TNC: variants seen among roughly 807,000 people sequenced by gnomAD.
The protein encoded by TNC is tenascin C, also known as tenascin.
Under a neutral mutation model 202.4 loss-of-function variants are expected in TNC, and 109 were observed. That is an observed-to-expected ratio of 0.54 (90% CI 0.46 to 0.63). The LOEUF is 0.63. Ranked by LOEUF, TNC falls within the 30% of genes least tolerant of loss-of-function variation. The pLI is 0.00. For missense variants in TNC, 2,756 were observed against 2,833.3 expected (o/e 0.97, Z 0.62); for synonymous variants, 1,007 against 1,089.7 (o/e 0.92, Z 1.50).
intron 1 of TNC, among the ~76,000 whole-genome samples, chr9:115,096,689 G>A (rs1329769775): frequency 2.6e-5 from 4 of 152,184 alleles, no homozygotes; most frequent in African/African-American, 4.8e-5. Flanking sequence ...AAGCATGTAT[G>A]TGCATTGTAG....
In TNC at chr9:115,077,948, G is replaced by A; in HGVS notation, c.2669C>T (p.Thr890Ile). ...AACAGGGGGAGGCCTTTTACCTGTT[G>A]TGAAGGTCTCTTTGGCTGGGTTGCT... is the stretch of plus-strand genomic sequence containing the variant. ...MSSNPAKETF[T>I]TGLDAPRNLR... is the part of the protein sequence containing the mutation. Residue 890 changes from threonine to isoleucine, a missense_variant, in exon 7 of 28, where the codon ACA becomes ATA. Transcript: ENST00000350763. 6.2e-7 allele frequency: 1 copy of A among 1,614,050 alleles called. No homozygotes were observed. The highest frequency in any genetic ancestry group is 8.5e-7 in the Non-Finnish European group (1 of 1,179,926).
intron 18 of TNC, among the ~76,000 whole-genome samples, chr9:115,041,794 C>G (rs552647065): frequency 6.6e-6 from 1 of 152,290 alleles, no homozygotes; most frequent in South Asian, 2.1e-4. Flanking sequence ...AGTTAGAACT[C>G]ACAAATTTTC....
At chr9:115,100,819 TATTAA>T (rs1290772588) in intron 1 of TNC, among the ~76,000 whole-genome samples, 5 of 152,358 alleles carry the variant, frequency 3.3e-5, no homozygotes, top group Non-Finnish European at 7.4e-5. Flanking sequence ...TGTATACATA[TATTAA>T]ATTATCACGT....
chr9:115,021,306 A>AGAG, intron 27 of TNC, 39 bp from the exon 28 acceptor site: 11 of 1,467,546 alleles, frequency 7.5e-6, no homozygotes, highest in Non-Finnish European at 9.4e-6. Context: ...AGAGAGAGAG[A>AGAG]AGGCCTCCAG....
intron 10 of TNC, among the ~76,000 whole-genome samples, chr9:115,065,254 GGC>G (rs1292401753): frequency 2.0e-5 from 3 of 152,050 alleles, no homozygotes; most frequent in African/African-American, 7.2e-5. Flanking sequence ...AAATTAGCCA[GGC>G]GTGTTGGTGG....
At chr9:115,068,213 T>G (rs929925083) in intron 10 of TNC, among the ~76,000 whole-genome samples, 3 of 152,214 alleles carry the variant, frequency 2.0e-5, no homozygotes, top group Non-Finnish European at 4.4e-5. Flanking sequence ...TTCTTGGCAT[T>G]TCTTTATCAA....
intron 14 of TNC, among the ~76,000 whole-genome samples, 183 bp downstream of exon 14, chr9:115,059,547 C>A (rs1050496298): frequency 5.9e-5 from 9 of 152,192 alleles, no homozygotes; most frequent in African/African-American, 2.2e-4. Context: ...CATTCACCAT[C>A]CACATGGCAA....
At chr9:115,080,052 G>A (rs1365940762) in intron 6 of TNC, among the ~76,000 whole-genome samples, 2 of 152,198 alleles carry the variant, frequency 1.3e-5, no homozygotes, top group Admixed American at 1.3e-4. Flanking sequence ...CTTGAGATCA[G>A]GAGTTCAAAA....
rs770847412 is a variant in TNC, at chr9:115,057,369, T to C, written c.4363A>G (p.Asn1455Asp). The C allele has an allele frequency of 1.2e-6, 2 of 1,614,010 alleles. No homozygotes were observed. The highest frequency in any genetic ancestry group is 1.3e-5 in the African/African-American group (1 of 75,032). ...CCATCGGTAGCCATCCAGGAGAGAT[T>C]GAAGCTCTCGGGAGTTATGTCAGAA... ...NVSDITPESF[N>D]LSWMATDGIF... Residue 1455 changes from asparagine (N) to aspartate (D), a missense_variant, in exon 15 of 28, where the codon AAT becomes GAT. By Grantham distance (23) the Asn-to-Asp change is conservative. Coordinates refer to ENST00000350763, the MANE Select transcript of TNC (RefSeq NM_002160.4).
intron 19 of TNC, among the ~76,000 whole-genome samples, chr9:115,039,691 C>T (rs1368168480): frequency 6.6e-6 from 1 of 152,216 alleles, no homozygotes; most frequent in Non-Finnish European, 1.5e-5. Context: ...GGTCTGAGAG[C>T]CAGGATGTGG....
chr9:115,093,724 C>T (rs1469821120), intron 1 of TNC, among the ~76,000 whole-genome samples: 1 of 150,984 alleles, frequency 6.6e-6, no homozygotes, highest in South Asian at 2.1e-4. Context: ...AAATTTCCAT[C>T]TAAAAAGCCA....
intron 1 of TNC, among the ~76,000 whole-genome samples, chr9:115,108,289 A>T (rs1298071672): frequency 6.6e-6 from 1 of 152,216 alleles, no homozygotes; most frequent in Non-Finnish European, 1.5e-5. Context: ...AGATGTTTTT[A>T]GGTAGATGTC....
chr9:115,112,550 A>G (rs532661897), intron 1 of TNC: 5 of 152,314 alleles, frequency 3.3e-5, no homozygotes, highest in Admixed American at 3.3e-4. Context: ...GGCTGCCCGT[A>G]AGCCCTTTTA....
chr9:115,054,134 G>A (rs1831917462), intron 15 of TNC, among the ~76,000 whole-genome samples: 1 of 152,206 alleles, frequency 6.6e-6, no homozygotes, highest in Non-Finnish European at 1.5e-5. Flanking sequence ...AGGATTTAGG[G>A]TTGGGAAGAG....
chr9:115,036,223 G>A lies in TNC; in HGVS notation c.5531C>T (p.Thr1844Met), dbSNP rs755156996. Residue 1844 changes from threonine to methionine, a missense_variant, in exon 21 of 28, where the codon ACG becomes ATG. By Grantham distance (81) the Thr-to-Met change is moderately conservative (BLOSUM62 -1). This residue lies in a region of TNC where 2,559 missense variants were observed against 2,546.0 expected (regional missense o/e 1.01). Coordinates refer to ENST00000350763, the MANE Select transcript of TNC (RefSeq NM_002160.4). ...ATACTCCACTGTGTTCCCGGACACC[G>A]TGCGTGTAATTTCTGGCACTAAACA... ...TGEKVPEITRTVSGNTVEYAL... is the reference protein window; with the variant it reads ...TGEKVPEITRMVSGNTVEYAL... 3.7e-5 allele frequency: 59 copies of A among 1,613,998 alleles called. No individual in the cohort carries two copies. Among genetic ancestry groups the A allele is most frequent in the Middle Eastern group, 3.3e-4 (2 of 6,080 alleles).
chr9:115,066,134 C>T lies in TNC; in HGVS notation c.3215-1215G>A, dbSNP rs1034973790. 4.6e-5 allele frequency among the ~76,000 whole-genome samples: 7 copies of T among 151,988 alleles called. No homozygotes were observed. The East Asian group carries it at 1.4e-3, about 29-fold the overall frequency. On this transcript the variant is annotated intron_variant, in intron 10 of 27. Transcript: ENST00000350763. ...TCCTTAATAGAAAAAAGAAAGAGGTCCTGGGAGAAGCAGATCTTATGAAGC... is the reference window on the plus strand; with the variant it reads ...TCCTTAATAGAAAAAAGAAAGAGGTTCTGGGAGAAGCAGATCTTATGAAGC...
chr9:115,039,342 T>C (rs1830565679), intron 19 of TNC, among the ~76,000 whole-genome samples: 1 of 152,236 alleles, frequency 6.6e-6, no homozygotes, highest in African/African-American at 2.4e-5. Flanking sequence ...AGCTAAGCAA[T>C]GTGTGATGTG....
chr9:115,075,388 C>G (rs1224907094), intron 9 of TNC, among the ~76,000 whole-genome samples: 1 of 151,922 alleles, frequency 6.6e-6, no homozygotes, highest in Non-Finnish European at 1.5e-5. Context: ...AGAGAAAACC[C>G]CACAGTTGTG....
chr9:115,059,768 C>G lies in TNC; in HGVS notation c.4268G>C (p.Gly1423Ala). 6.2e-7 allele frequency: 1 copy of G among 1,613,536 alleles called. No homozygotes were observed. The highest frequency in any genetic ancestry group is 8.5e-7 in the Non-Finnish European group (1 of 1,179,562). Residue 1423 changes from glycine to alanine, a missense_variant, in exon 14 of 28, where the codon GGC (glycine) becomes GCC (alanine). Transcript: ENST00000350763. Reference sequence around the variant, plus strand: ...AGCAGAGAGTACTGGTGTTCTATAGCCCCGGATCACCCCATAGATGGAGAC... The same window carrying G: ...AGCAGAGAGTACTGGTGTTCTATAGGCCCGGATCACCCCATAGATGGAGAC... ...YRVSIYGVIR[G>A]YRTPVLSAEA...
Sources: allele counts gnomAD v4.1 joint callset (sites outside exome capture counted in the v4.1 genomes callset), GRCh38; gene constraint gnomAD v4.1.1; regional missense constraint gnomAD v4.1.1; transcripts MANE v1.5; gene names NCBI Gene and HGNC (gene_info 2026-07-23, HGNC 2026-07-21).